EGFLAM: variants seen among roughly 807,000 people sequenced by gnomAD.
EGFLAM encodes EGF like, fibronectin type III and laminin G domains.
Under a neutral mutation model 113.1 loss-of-function variants are expected in EGFLAM, and 79 were observed. The observed-to-expected ratio is 0.70, with a 90% CI of 0.58 to 0.84. EGFLAM has a LOEUF of 0.84. Among genes scored for constraint, EGFLAM ranks in the 40% least tolerant of loss-of-function variants. The probability of loss-of-function intolerance (pLI) is 0.00; values close to 1 mark genes in which losing one functional copy is unlikely to be tolerated. For missense variants in EGFLAM, 1,265 were observed against 1,291.6 expected, an observed-to-expected ratio of 0.98 and a Z score of 0.32; for synonymous variants, 504 against 487.6, an observed-to-expected ratio of 1.03 and a Z score of -0.44.
chr5:38,302,301 T>G (rs1758600681), intron 1 of EGFLAM, among the ~76,000 whole-genome samples: 1 of 151,982 alleles, frequency 6.6e-6, no homozygotes, highest in Non-Finnish European at 1.5e-5. Flanking sequence ...ACTGGTTATT[T>G]AAAGTCAGAG....
intron 1 of EGFLAM, among the ~76,000 whole-genome samples, chr5:38,263,706 C>T (rs571336929): frequency 5.3e-5 from 8 of 152,068 alleles, no homozygotes; most frequent in African/African-American, 9.6e-5. Flanking sequence ...AAGCTTAACC[C>T]GTGGCTGCAA....
intron 1 of EGFLAM, among the ~76,000 whole-genome samples, chr5:38,264,930 T>C (rs924942497): frequency 2.0e-5 from 3 of 152,320 alleles, no homozygotes; most frequent in Non-Finnish European, 2.9e-5. Context: ...CTTCCCCTCC[T>C]ATTGGTTTCA....
intron 1 of EGFLAM, among the ~76,000 whole-genome samples, chr5:38,265,322 C>G (rs529859418): frequency 6.6e-6 from 1 of 152,306 alleles, no homozygotes; most frequent in East Asian, 1.9e-4. Context: ...CTCCAGCTTG[C>G]CCAGGGCTAT....
intron 1 of EGFLAM, among the ~76,000 whole-genome samples, chr5:38,288,321 C>A (rs1043958866): frequency 6.6e-6 from 1 of 152,044 alleles, no homozygotes; most frequent in Non-Finnish European, 1.5e-5. Context: ...ATAGCTGTAA[C>A]TTTTGGGGTT....
chr5:38,280,238 CTA>C (rs1179793372), intron 1 of EGFLAM, among the ~76,000 whole-genome samples: 5 of 152,228 alleles, frequency 3.3e-5, no homozygotes, highest in African/African-American at 9.6e-5. Flanking sequence ...ACATAAATGA[CTA>C]CAAATCTTTA....
chr5:38,385,899 C>A (rs938297103), intron 6 of EGFLAM, among the ~76,000 whole-genome samples: 2 of 152,166 alleles, frequency 1.3e-5, no homozygotes, highest in Non-Finnish European at 2.9e-5. Flanking sequence ...TTAGACAAAC[C>A]TAGACGGTAT....
Position 38,258,777 on chromosome 5 carries a change from T to TGCTCCG in EGFLAM, c.29_34dup (p.Arg10_Leu11dup). 6.2e-7 allele frequency: 1 copy of TGCTCCG among 1,611,808 alleles called. No homozygotes were observed. Among genetic ancestry groups the TGCTCCG allele is most frequent in the Non-Finnish European group, 8.5e-7 (1 of 1,179,352 alleles). ...GAAATGGATTTAATCCGAGGCGTCTTGCTCCGGCTCCTGCTCCTGGCTTCC... is the reference window on the plus strand; with the variant it reads ...GAAATGGATTTAATCCGAGGCGTCTTGCTCCGGCTCCGGCTCCTGCTCCTGGCTTCC... On this transcript the variant is annotated inframe_insertion, in exon 1 of 22. Coordinates refer to ENST00000322350, the MANE Select transcript of EGFLAM (RefSeq NM_152403.4).
chr5:38,390,032 A>C (rs1408716236), intron 6 of EGFLAM, among the ~76,000 whole-genome samples: 3 of 152,170 alleles, frequency 2.0e-5, no homozygotes, highest in Non-Finnish European at 2.9e-5. Flanking sequence ...ACCCAGGTTT[A>C]TAAAATCTTA....
At chr5:38,264,123 T>C (rs1158133984) in intron 1 of EGFLAM, among the ~76,000 whole-genome samples, 1 of 152,186 alleles carries the variant, frequency 6.6e-6, no homozygotes, top group African/African-American at 2.4e-5. Context: ...CTGGGGTTGC[T>C]CTTTGTTTAT....
intron 1 of EGFLAM, among the ~76,000 whole-genome samples, chr5:38,267,949 A>C (rs1449130095): frequency 1.3e-5 from 2 of 152,166 alleles, no homozygotes; most frequent in Non-Finnish European, 2.9e-5. Context: ...ATGTCCCTCT[A>C]TTTTTACGTG....
intron 1 of EGFLAM, among the ~76,000 whole-genome samples, chr5:38,311,047 C>T (rs1025822124): frequency 4.6e-5 from 7 of 151,754 alleles, no homozygotes; most frequent in East Asian, 1.9e-4. Context: ...ATGGGTTGGT[C>T]GCATTTCCTA....
intron 17 of EGFLAM, among the ~76,000 whole-genome samples, chr5:38,445,116 C>T (rs1742665172): frequency 6.6e-6 from 1 of 151,986 alleles, no homozygotes; most frequent in Non-Finnish European, 1.5e-5. Context: ...GGTGTTATTT[C>T]TCGAGGGTGC....
At chr5:38,318,753 A>G (rs1738666649) in intron 1 of EGFLAM, among the ~76,000 whole-genome samples, 1 of 151,986 alleles carries the variant, frequency 6.6e-6, no homozygotes, top group South Asian at 2.1e-4. Flanking sequence ...ATCTACCCGC[A>G]TCGGCCTCCC....
chr5:38,342,513 T>A lies in EGFLAM; in HGVS notation c.291+3732T>A, dbSNP rs918085461. The stretch of plus-strand genomic sequence containing the variant: ...GGTTAATCTGATTTAACTGATAAAA[T>A]GACCAAAATACCCTGGCTGATAATG... On this transcript the variant is annotated intron_variant, in intron 3 of 21. Coordinates refer to ENST00000322350, the MANE Select transcript of EGFLAM (RefSeq NM_152403.4). Among the ~76,000 whole-genome samples the A allele has an allele frequency of 2.3e-4, 35 of 152,294 alleles. 1 individual carries two copies. The highest frequency in any genetic ancestry group is 8.3e-4 in the South Asian group (4 of 4,826).
At chr5:38,387,543 G>A (rs996349083) in intron 6 of EGFLAM, among the ~76,000 whole-genome samples, 15 of 152,172 alleles carry the variant, frequency 9.9e-5, no homozygotes, top group East Asian at 3.8e-4. Flanking sequence ...AAAGCAACCC[G>A]TGGTGAGCTC....
At chr5:38,430,737 C>A (rs889895150) in intron 14 of EGFLAM, among the ~76,000 whole-genome samples, 1 of 152,118 alleles carries the variant, frequency 6.6e-6, no homozygotes, top group African/African-American at 2.4e-5. Flanking sequence ...TGCAAGCTGG[C>A]AGCCCAGGAA....
At chr5:38,394,568 C>A (rs980570581) in intron 6 of EGFLAM, among the ~76,000 whole-genome samples, 2 of 151,916 alleles carry the variant, frequency 1.3e-5, no homozygotes, top group South Asian at 2.1e-4. Flanking sequence ...CGCCACCACG[C>A]CCGGCTAATT....
chr5:38,438,661 G>C (rs1250965682), intron 17 of EGFLAM, among the ~76,000 whole-genome samples: 1 of 152,174 alleles, frequency 6.6e-6, no homozygotes, highest in Non-Finnish European at 1.5e-5. Flanking sequence ...AAATACTTCT[G>C]CTAACAGTGA....
chr5:38,461,514 A>T (rs1438864365), intron 20 of EGFLAM, among the ~76,000 whole-genome samples: 21 of 149,228 alleles, frequency 1.4e-4, no homozygotes, highest in Admixed American at 1.1e-3. Flanking sequence ...AGAGTAATTA[A>T]TTTTTTTTTT....
Sources: gnomAD v4.1 joint callset for allele counts (sites outside exome capture counted in the v4.1 genomes callset) on GRCh38, gnomAD v4.1.1 for gene constraint, MANE v1.5 for transcripts, NCBI Gene and HGNC (gene_info 2026-07-23, HGNC 2026-07-21) for gene names.